SHC2: variants seen among roughly 807,000 people sequenced by gnomAD.
The protein encoded by SHC2 is SHC adaptor protein 2.
A neutral mutation model predicts 60.6 loss-of-function variants in SHC2; 62 were observed. That is an observed-to-expected ratio of 1.02 (90% CI 0.83 to 1.26). The LOEUF is 1.26. Among genes scored for constraint, SHC2 ranks in the 50% most tolerant of loss-of-function variants. SHC2 has a pLI of 0.00. For synonymous variants in SHC2, 375 were observed against 372.4 expected, an observed-to-expected ratio of 1.01 and a Z score of -0.08; for missense variants, 873 against 822.2, an observed-to-expected ratio of 1.06 and a Z score of -0.76.
chr19:455,892 G>T (rs954329958), intron 1 of SHC2, among the ~76,000 whole-genome samples: 1 of 152,104 alleles, frequency 6.6e-6, no homozygotes, highest in African/African-American at 2.4e-5. Context: ...TCTCAGGGTT[G>T]CTCACTCGGT....
rs1293395785 is a variant in SHC2, at chr19:436,093, G to T, written c.953+72C>A. 5.9e-6 allele frequency: 9 copies of T among 1,522,868 alleles called. No individual in the cohort carries two copies. In the East Asian group the frequency reaches 1.6e-4, roughly 27 times the overall value. 94.3% of individuals were successfully genotyped at this position (1,522,868 alleles called of 1,614,324 possible). A position where few individuals can be genotyped will look rare whatever the true frequency, so the allele number is the denominator to read the frequency against. ...GGACGGAGGCTGAGGCCTGCAGGAG[G>T]TGGAGCAGGCTCTGCACCTGGGCAG... On this transcript the variant is annotated intron_variant, in intron 7 of 12. Transcript: ENST00000264554.
At chr19:419,356 T>C (rs1011165726) in intron 11 of SHC2, 1 of 342,704 alleles carries the variant, frequency 2.9e-6, no homozygotes, top group East Asian at 4.7e-5. Flanking sequence ...GTGACCTCAT[T>C]TGGAAAAAGG....
rs1239108018 is a variant in SHC2, at chr19:453,625, A to G, written c.468+6904T>C. The stretch of plus-strand genomic sequence containing the variant: ...GCCATGGGATTCATCCACCGTGTCA[A>G]CTGGCCACACCTGACCCCTCGCCTT... On this transcript the variant is annotated intron_variant, in intron 1 of 12. Transcript: ENST00000264554. The surrounding 1 kb of genome is among the most constrained non-coding windows in gnomAD (Gnocchi z 6.3). 6.6e-6 allele frequency among the ~76,000 whole-genome samples: 1 copy of G among 152,114 alleles called. No individual in the cohort carries two copies. The highest frequency in any genetic ancestry group is 2.4e-5 in the African/African-American group (1 of 41,422).
chr19:441,667 C>T lies in SHC2; in HGVS notation c.469-735G>A, dbSNP rs901832318. On this transcript the variant is annotated intron_variant, in intron 1 of 12. Coordinates refer to ENST00000264554, the MANE Select transcript of SHC2 (RefSeq NM_012435.3). This position sits in a 1 kb window ranked among gnomAD's most constrained non-coding sequence, Gnocchi z 4.9. ...AAGAGCATGTGTGGGTGCCAGGAGC[C>T]GGGGAATGAAGGCTGACACGAACAG... Among the ~76,000 whole-genome samples the T allele has an allele frequency of 3.3e-5, 5 of 152,140 alleles. No individual in the cohort carries two copies. The highest frequency in any genetic ancestry group is 1.3e-4 in the Admixed American group (2 of 15,278).
intron 1 of SHC2, among the ~76,000 whole-genome samples, chr19:451,136 G>A (rs1975180521): frequency 6.8e-6 from 1 of 148,106 alleles, no homozygotes; most frequent in Non-Finnish European, 1.5e-5. Flanking sequence ...TCAGTGTGTG[G>A]ATGGCCACGC....
intron 1 of SHC2, among the ~76,000 whole-genome samples, chr19:457,834 G>A (rs1204103489): frequency 6.6e-6 from 1 of 152,264 alleles, no homozygotes; most frequent in Non-Finnish European, 1.5e-5. Flanking sequence ...GCCGGCCGTC[G>A]GCGTTAAACT....
rs749596558 is a variant in SHC2, at chr19:425,050, C to T, written c.1309+47G>A. 9 of 1,344,608 alleles carry T rather than the reference C, an allele frequency of 6.7e-6. No homozygotes were observed. In the Admixed American group the frequency reaches 2.7e-4, roughly 40 times the overall value. The allele number at this position is 1,344,608 out of a possible 1,614,324, so 83.3% of individuals were successfully genotyped here. A position where few individuals can be genotyped will look rare whatever the true frequency, so the allele number is the denominator to read the frequency against. Reference sequence around the variant, plus strand: ...GTGGGGTTGTGCCTCCCCCATCAGACAACACGGCCACACGCGATGACGGCC... The same window carrying T: ...GTGGGGTTGTGCCTCCCCCATCAGATAACACGGCCACACGCGATGACGGCC... On this transcript the variant is annotated intron_variant, in intron 10 of 12. Transcript: ENST00000264554. The surrounding 1 kb of genome is among the most constrained non-coding windows in gnomAD (Gnocchi z 4.1).
intron 12 of SHC2, among the ~76,000 whole-genome samples, chr19:418,557 G>T (rs549826515): frequency 6.6e-6 from 1 of 152,348 alleles, no homozygotes; most frequent in African/African-American, 2.4e-5. Flanking sequence ...CCGGGCCACG[G>T]CGCAATGCCC....
intron 1 of SHC2, among the ~76,000 whole-genome samples, chr19:455,217 G>T (rs574777662): frequency 6.6e-6 from 1 of 152,186 alleles, no homozygotes; most frequent in Admixed American, 6.5e-5. Flanking sequence ...GGTTCTTCTC[G>T]CAGGAGACAA....
intron 11 of SHC2, among the ~76,000 whole-genome samples, chr19:420,973 C>A (rs1232891303): frequency 2.0e-5 from 3 of 151,092 alleles, no homozygotes; most frequent in African/African-American, 7.3e-5. Flanking sequence ...TCGCTTGAAC[C>A]CGGGAAGTGG....
intron 9 of SHC2, among the ~76,000 whole-genome samples, chr19:429,745 C>T (rs905272113): frequency 6.9e-6 from 1 of 144,138 alleles, no homozygotes; most frequent in Non-Finnish European, 1.5e-5. Context: ...CTATACCCAA[C>T]ATGCTCGGAA....
chr19:430,010 C>T (rs533692649), intron 9 of SHC2, among the ~76,000 whole-genome samples: 2 of 150,720 alleles, frequency 1.3e-5, no homozygotes, highest in South Asian at 4.2e-4. Context: ...AACCTAACAC[C>T]GTGTGGATGA....
At chr19:427,650 ACAGCACACGGAAGGGGG>A (rs1351807036) in intron 9 of SHC2, among the ~76,000 whole-genome samples, 79 of 78,672 alleles carry the variant, frequency 1.0e-3, no homozygotes, top group South Asian at 1.8e-3. Flanking sequence ...GGGACGGCGC[ACAGCACACGGAAGGGGG>A]CGGCACAGGG....
chr19:443,278 ATGAATAGGTG>A, intron 1 of SHC2, among the ~76,000 whole-genome samples: 1 of 143,790 alleles, frequency 7.0e-6, no homozygotes, highest in East Asian at 2.3e-4. Context: ...GGGTGGGTGG[ATGAATAGGTG>A]CATGGATGGG....
rs979918315 is a variant in SHC2, at chr19:445,300, T to C, written c.469-4368A>G. 2.4e-4 allele frequency among the ~76,000 whole-genome samples: 36 copies of C among 152,016 alleles called. No individual in the cohort carries two copies. The highest frequency in any genetic ancestry group is 3.9e-4 in the African/African-American group (16 of 41,360). On this transcript the variant is annotated intron_variant, in intron 1 of 12. Transcript: ENST00000264554. This position sits in a 1 kb window ranked among gnomAD's most constrained non-coding sequence, Gnocchi z 4.4. The stretch of plus-strand genomic sequence containing the variant: ...CTCAGGACTGGGATCAGTGCCCTTA[T>C]AAAAGAGACCCCAGACAGAGCCCAG...
At chr19:456,668 G>A (rs1255832583) in intron 1 of SHC2, among the ~76,000 whole-genome samples, 1 of 147,088 alleles carries the variant, frequency 6.8e-6, no homozygotes, top group Non-Finnish European at 1.5e-5. Flanking sequence ...ACACGCACCA[G>A]GTCCGCTCCC....
intron 1 of SHC2, among the ~76,000 whole-genome samples, chr19:455,148 G>A (rs191592061): frequency 2.0e-5 from 3 of 152,320 alleles, no homozygotes; most frequent in African/African-American, 4.8e-5. Flanking sequence ...ACAATGACCT[G>A]GACCCATGAC....
chr19:451,399 T>C (rs1428141498), intron 1 of SHC2, among the ~76,000 whole-genome samples: 5 of 152,200 alleles, frequency 3.3e-5, no homozygotes, highest in African/African-American at 9.7e-5. Flanking sequence ...TATTTCAGCA[T>C]GTGGATGGCC....
In SHC2 at chr19:430,769, G is replaced by A. The variant is rs566947858; in HGVS notation, c.1111-22C>T. The A allele has an allele frequency of 2.3e-5, 37 of 1,610,438 alleles. No homozygotes were observed. In the Admixed American group the frequency reaches 4.5e-4, roughly 20 times the overall value. On this transcript the variant is annotated intron_variant, in intron 8 of 12. Coordinates refer to ENST00000264554, the MANE Select transcript of SHC2 (RefSeq NM_012435.3). Reference sequence around the variant, plus strand: ...GGCCCTGGAAACAGAGCAGTGAGAGGTTCCCCGGTGTGTGCAAGCCCCTCT... The same window carrying A: ...GGCCCTGGAAACAGAGCAGTGAGAGATTCCCCGGTGTGTGCAAGCCCCTCT...
Sources: allele counts gnomAD v4.1 joint callset (sites outside exome capture counted in the v4.1 genomes callset), GRCh38; gene constraint gnomAD v4.1.1; non-coding constraint Gnocchi (gnomAD v3.1); transcripts MANE v1.5; gene names NCBI Gene and HGNC (gene_info 2026-07-23, HGNC 2026-07-21).